PSG4: variants seen among roughly 807,000 people sequenced by gnomAD.
PSG4 encodes pregnancy specific beta-1-glycoprotein 4.
PSG4 carries 61 observed loss-of-function variants against 44.3 expected under a neutral mutation model. The observed-to-expected ratio is 1.38, with a 90% CI of 1.12 to 1.70. The LOEUF (loss-of-function observed/expected upper bound fraction) is 1.70, where lower values mean the gene tolerates loss of function less well. Among genes scored for constraint, PSG4 ranks in the 40% most tolerant of loss-of-function variants. PSG4 has a pLI of 0.00. For synonymous variants in PSG4, 248 were observed against 191.3 expected, an observed-to-expected ratio of 1.30 and a Z score of -2.45; for missense variants, 677 against 511.7, an observed-to-expected ratio of 1.32 and a Z score of -3.12.
At position 43,194,389 on chromosome 19, in the gene PSG4, G is replaced by A; in HGVS notation, c.1194C>T (p.Asn398=). ...HSGLYACSVR[N]SATGKESSKS... ...TGGAGCTTTCCTTGCCAGTGGCTGAGTTACGAACAGAGCAAGCATAGAGCC... is the reference window on the plus strand; with the variant it reads ...TGGAGCTTTCCTTGCCAGTGGCTGAATTACGAACAGAGCAAGCATAGAGCC... Residue 398 remains asparagine (N), a synonymous_variant, in exon 5 of 6, where the codon AAC becomes AAT. Coordinates refer to ENST00000405312, the MANE Select transcript of PSG4 (RefSeq NM_002780.5). 2 of 1,612,470 alleles carry A rather than the reference G, an allele frequency of 1.2e-6. No homozygotes were observed. Among genetic ancestry groups the A allele is most frequent in the Non-Finnish European group, 1.7e-6 (2 of 1,179,122 alleles).
intron 3 of PSG4, chr19:43,196,511 G>T (rs1268409893): frequency 6.6e-6 from 1 of 151,558 alleles, no homozygotes; most frequent in Non-Finnish European, 1.5e-5. Flanking sequence ...TATGCTTACT[G>T]GTTTAGCATC....
chr19:43,197,504 GT>G (rs1465242121), intron 3 of PSG4, among the ~76,000 whole-genome samples: 5 of 143,014 alleles, frequency 3.5e-5, no homozygotes, highest in Admixed American at 2.1e-4. Context: ...TGCTCTGCCA[GT>G]GGGTGAGAGT....
rs753810523 is a variant in PSG4, at chr19:43,193,310, A to C, written c.*62T>G. 3.9e-6 allele frequency: 3 copies of C among 774,836 alleles called. No individual in the cohort carries two copies. Among genetic ancestry groups the C allele is most frequent in the Non-Finnish European group, 7.2e-6 (3 of 417,606 alleles). 48.0% of individuals were successfully genotyped at this position (774,836 alleles called of 1,614,324 possible). On this transcript the variant is annotated 3_prime_UTR_variant, in exon 6 of 6. Coordinates refer to ENST00000405312, the MANE Select transcript of PSG4 (RefSeq NM_002780.5). ...CTCCAGCTTATAGGGCTTCTGGAAC[A>C]GAGTGGGTCTTGCTCTTCGTGATTC...
intron 5 of PSG4, 89 bp downstream of exon 5, chr19:43,194,250 TG>T: frequency 6.2e-7 from 1 of 1,604,550 alleles, no homozygotes; most frequent in Non-Finnish European, 8.5e-7. Flanking sequence ...GGACACAGGC[TG>T]GGAATAAAAA....
In PSG4 at chr19:43,193,395, G is replaced by A. The variant is rs1464406937; in HGVS notation, c.1244-7C>T. ...ATTCAGGGTAATATCCAGTCTACAGGTGGATAATAAAAACACAGAAACAAT... is the reference window on the plus strand; with the variant it reads ...ATTCAGGGTAATATCCAGTCTACAGATGGATAATAAAAACACAGAAACAAT... On this transcript the variant is annotated splice_region_variant and splice_polypyrimidine_tract_variant and intron_variant, in intron 5 of 5. Coordinates refer to ENST00000405312, the MANE Select transcript of PSG4 (RefSeq NM_002780.5). 1 of 770,386 alleles carries A rather than the reference G, an allele frequency of 1.3e-6. No homozygotes were observed. The highest frequency in any genetic ancestry group is 2.4e-6 in the Non-Finnish European group (1 of 417,566). 47.7% of individuals were successfully genotyped at this position (770,386 alleles called of 1,614,324 possible).
rs755842239 is a variant in PSG4 at position 43,205,569 on chromosome 19, A to T, written c.-33T>A. ...GCTGCTTGTGTGTTCTCCTCTGTGG[A>T]GATAAGCCTAGGATCCAGAAGCTTC... On this transcript the variant is annotated 5_prime_UTR_variant, in exon 1 of 6. Coordinates refer to ENST00000405312, the MANE Select transcript of PSG4 (RefSeq NM_002780.5). 7 of 1,524,504 alleles carry T rather than the reference A, an allele frequency of 4.6e-6. 1 individual carries two copies. The highest frequency in any genetic ancestry group is 2.3e-5 in the South Asian group (2 of 87,166). The allele number at this position is 1,524,504 out of a possible 1,614,324, so 94.4% of individuals were successfully genotyped here.
chr19:43,197,727 T>C, intron 3 of PSG4: 1 of 704,280 alleles, frequency 1.4e-6, no homozygotes, highest in South Asian at 2.1e-5. Flanking sequence ...CCCGCTGTGT[T>C]CACTGATCTG....
chr19:43,203,857 A>T (rs1967629999), intron 2 of PSG4, 29 bp downstream of exon 2: 1 of 1,569,900 alleles, frequency 6.4e-7, no homozygotes, highest in East Asian at 2.7e-5. Flanking sequence ...CTGTCCCCCA[A>T]CACCCAGGGA....
At chr19:43,196,701 C>G (rs1215353163) in intron 3 of PSG4, 1 of 151,344 alleles carries the variant, frequency 6.6e-6, no homozygotes, top group Non-Finnish European at 1.5e-5. Context: ...ATGCTGCACT[C>G]ATATATTTTT....
intron 2 of PSG4, chr19:43,198,998 G>A (rs548257892): frequency 6.8e-6 from 1 of 146,578 alleles, no homozygotes; most frequent in East Asian, 2.3e-4. Flanking sequence ...CATGTTCCGT[G>A]TTCTGGGTCC....
rs1174734628 is a variant in PSG4, at chr19:43,192,948, T to C, written c.*424A>G. The C allele has an allele frequency of 2.0e-5, 9 of 439,732 alleles. 1 individual carries two copies. Among genetic ancestry groups the C allele is most frequent in the Non-Finnish European group, 3.7e-5 (9 of 244,560 alleles). The allele number at this position is 439,732 out of a possible 1,614,324, so 27.2% of individuals were successfully genotyped here. On this transcript the variant is annotated 3_prime_UTR_variant, in exon 6 of 6. Coordinates refer to ENST00000405312, the MANE Select transcript of PSG4 (RefSeq NM_002780.5). ...GGAGAGAGCCACATTTCCCCTGAGATGTTACGTAAAAGTTTGAGGTTGAGA... is the reference window on the plus strand; with the variant it reads ...GGAGAGAGCCACATTTCCCCTGAGACGTTACGTAAAAGTTTGAGGTTGAGA...
intron 5 of PSG4, chr19:43,194,091 G>T (rs116239664): frequency 1.6e-6 from 2 of 1,233,704 alleles, no homozygotes; most frequent in Non-Finnish European, 2.2e-6. Flanking sequence ...CCTCAATATT[G>T]TCAATTATTT....
In PSG4 at chr19:43,204,173, C is replaced by T; in HGVS notation, c.143G>A (p.Gly48Glu). The T allele has an allele frequency of 6.3e-7, 1 of 1,586,496 alleles. No homozygotes were observed. The highest frequency in any genetic ancestry group is 1.1e-5 in the South Asian group (1 of 89,848). The change falls in exon 2 of 6, where the codon GGG becomes GAG. Residue 48 changes from glycine (G) to glutamate (E), a missense_variant. Coordinates refer to ENST00000405312, the MANE Select transcript of PSG4 (RefSeq NM_002780.5). Reference protein sequence around the residue: ...IEAQPPKVSEGKDVLLLVHNL... With the variant: ...IEAQPPKVSEEKDVLLLVHNL... ...GTGGACAAGTAGAAGAACATCCTTC[C>T]CCTCAGAAACTTTGGGTGGCTGGGC...
Position 43,205,417 on chromosome 19 carries a change from C to A in PSG4, c.64+56G>T, listed in dbSNP as rs1263302156. Reference sequence around the variant, plus strand: ...AGAACCCCATCCTCTCCAGGAGACCCCATCCAGTCACTCTGCTTCCTCCTC... The same window carrying A: ...AGAACCCCATCCTCTCCAGGAGACCACATCCAGTCACTCTGCTTCCTCCTC... On this transcript the variant is annotated intron_variant, in intron 1 of 5. Transcript: ENST00000405312. The A allele has an allele frequency of 2.2e-5, 33 of 1,479,070 alleles. 5 individuals are homozygous for A. The East Asian group carries it at 1.1e-3, about 49-fold the overall frequency. 91.6% of individuals were successfully genotyped at this position (1,479,070 alleles called of 1,614,324 possible). A position where few individuals can be genotyped will look rare whatever the true frequency, so the allele number is the denominator to read the frequency against.
intron 1 of PSG4, among the ~76,000 whole-genome samples, chr19:43,205,111 C>CTTTTTCTTTTTTTT (rs1967717327): frequency 1.1e-5 from 1 of 90,852 alleles, no homozygotes; most frequent in African/African-American, 5.2e-5. Context: ...TTCCTTTTTT[C>CTTTTTCTTTTTTTT]TTTTTTTTTT....
chr19:43,205,427 A>C, intron 1 of PSG4, 46 bp downstream of exon 1: 4 of 1,494,540 alleles, frequency 2.7e-6, no homozygotes, highest in Non-Finnish European at 3.6e-6. Flanking sequence ...CCATCCAGTC[A>C]CTCTGCTTCC....
Position 43,198,057 on chromosome 19 carries a change from A to C in PSG4, c.649T>G (p.Cys217Gly). The C allele has an allele frequency of 6.3e-7, 1 of 1,587,684 alleles. No individual in the cohort carries two copies. ...VTKYIAGPYECEIRNPVSASR... is the reference protein window; with the variant it reads ...VTKYIAGPYEGEIRNPVSASR... ...GCACTCACTGGGTTCCGTATTTCAC[A>C]TTCATAGGGTCCTGCAATATACTTT... The change falls in exon 3 of 6, where the codon TGT (cysteine) becomes GGT (glycine). Residue 217 changes from cysteine to glycine, a missense_variant. Transcript: ENST00000405312.
At position 43,196,873 on chromosome 19, in the gene PSG4, A is replaced by G. The variant is rs896469777; in HGVS notation, c.709+1124T>C. ...CAGAGTTTTATAATTCTGCAAAAAA[A>G]TGTTACTGGGATTCTGGTAGGGGTT... On this transcript the variant is annotated intron_variant, in intron 3 of 5. Transcript: ENST00000405312. The G allele has an allele frequency of 9.7e-5, 14 of 144,062 alleles. 1 individual carries two copies. The highest frequency in any genetic ancestry group is 1.3e-4 in the Non-Finnish European group (9 of 66,764). The allele number at this position is 144,062 out of a possible 1,614,324, so 8.9% of individuals were successfully genotyped here.
rs1967151395 is a variant in PSG4 at position 43,194,586 on chromosome 19, C to G, written c.997G>C (p.Asp333His). 1 of 1,609,642 alleles carries G rather than the reference C, an allele frequency of 6.2e-7. No homozygotes were observed. Among genetic ancestry groups the G allele is most frequent in the Admixed American group, 1.7e-5 (1 of 59,724 alleles). ...AATGAAGGGTAAATGCTGGGGAGGT[C>G]TGGACCATCTGGCGCAAAGAGAATA... The part of the protein sequence containing the change: ...PVTLNVLYGP[D>H]LPSIYPSFTY... Residue 333 changes from aspartate (D) to histidine (H), a missense_variant, in exon 5 of 6, where the codon GAC becomes CAC. Transcript: ENST00000405312.
Sources: allele counts gnomAD v4.1 joint callset (sites outside exome capture counted in the v4.1 genomes callset), GRCh38; gene constraint gnomAD v4.1.1; transcripts MANE v1.5; gene names NCBI Gene and HGNC (gene_info 2026-07-23, HGNC 2026-07-21).